Variants in RANBP2 observed in about 807,000 individuals in gnomAD.
RANBP2 encodes the protein E3 SUMO-protein ligase RanBP2.
A neutral mutation model predicts 303.6 loss-of-function variants in RANBP2; 57 were observed. The ratio of observed to expected loss-of-function variants is 0.19; its 90% confidence interval spans 0.15 to 0.23. RANBP2 has a LOEUF of 0.23. Among genes scored for constraint, RANBP2 ranks in the 10% least tolerant of loss-of-function variants. The pLI is 1.00. For missense variants in RANBP2, 3,138 were observed against 3,780.8 expected (o/e 0.83, Z 4.46); for synonymous variants, 1,167 against 1,301.5 (o/e 0.90, Z 2.23).
chr2:109,520,652 C>T, the RANBP2 span, among the ~76,000 whole-genome samples: 4 of 98,918 alleles, frequency 4.0e-5, no homozygotes, highest in African/African-American at 6.3e-5. Context: ...ATGTTGAGGC[C>T]AGGCACAGCG....
the RANBP2 span, among the ~76,000 whole-genome samples, chr2:109,595,858 T>C: frequency 6.6e-6 from 1 of 152,208 alleles, no homozygotes; most frequent in Non-Finnish European, 1.5e-5. Context: ...GTCAGAGCTC[T>C]GCATTAGACA....
chr2:109,165,571 G>C, the RANBP2 span, among the ~76,000 whole-genome samples: 1 of 152,206 alleles, frequency 6.6e-6, no homozygotes, highest in African/African-American at 2.4e-5. Flanking sequence ...TGTGTGGCCA[G>C]CAAAACCCAG....
chr2:108,969,564 G>T, the RANBP2 span, among the ~76,000 whole-genome samples: 1 of 152,140 alleles, frequency 6.6e-6, no homozygotes, highest in East Asian at 1.9e-4. Context: ...TGTAAAATGG[G>T]GGTCATTCTG....
chr2:109,489,109 T>A, the RANBP2 span, among the ~76,000 whole-genome samples: 1 of 152,294 alleles, frequency 6.6e-6, no homozygotes, highest in African/African-American at 2.4e-5. Flanking sequence ...AGTTGGAGGC[T>A]GGGATCCACA....
chr2:109,355,966 T>C, the RANBP2 span, among the ~76,000 whole-genome samples: 5 of 152,314 alleles, frequency 3.3e-5, no homozygotes, highest in Admixed American at 3.3e-4. Context: ...GTTTCCCTGG[T>C]CCTGCATTGG....
At chr2:109,289,054 C>T in the RANBP2 span, among the ~76,000 whole-genome samples, 106 of 152,250 alleles carry the variant, frequency 7.0e-4, no homozygotes, top group African/African-American at 2.4e-3. Context: ...TCAACTGTTC[C>T]TGGAATAGGT....
At chr2:109,590,041 CATAT>C in the RANBP2 span, among the ~76,000 whole-genome samples, 618 of 148,814 alleles carry the variant, frequency 4.2e-3, 5 homozygotes, top group African/African-American at 7.7e-3. Flanking sequence ...TATATACACA[CATAT>C]ATATGTGTGT....
the RANBP2 span, among the ~76,000 whole-genome samples, chr2:109,208,663 T>C: frequency 6.7e-6 from 1 of 149,552 alleles, no homozygotes; most frequent in East Asian, 2.0e-4. Flanking sequence ...GCAAGTTTGT[T>C]ATGTAACAAT....
At chr2:109,774,599 A>G in the RANBP2 span, among the ~76,000 whole-genome samples, 1 of 80,848 alleles carries the variant, frequency 1.2e-5, no homozygotes, top group Non-Finnish European at 2.1e-5. Context: ...TGAGGTATAT[A>G]TGGAAAAACA....
At chr2:109,253,483 A>C in the RANBP2 span, among the ~76,000 whole-genome samples, 1 of 152,166 alleles carries the variant, frequency 6.6e-6, no homozygotes, top group Non-Finnish European at 1.5e-5. Flanking sequence ...CCCAGCTCTC[A>C]TGTTTCCCAG....
chr2:108,887,400 T>C, the RANBP2 span, among the ~76,000 whole-genome samples: 1 of 152,222 alleles, frequency 6.6e-6, no homozygotes, highest in African/African-American at 2.4e-5. Flanking sequence ...GCTTTTTTGA[T>C]TCTGTGAAAA....
At position 108,775,788 on chromosome 2, in the gene RANBP2, TGAA is replaced by T; in HGVS notation, c.8351_8353del (p.Glu2784del). 6.2e-7 allele frequency: 1 copy of T among 1,613,918 alleles called. No homozygotes were observed. The highest frequency in any genetic ancestry group is 8.5e-7 in the Non-Finnish European group (1 of 1,179,946). On this transcript the variant is annotated inframe_deletion, in exon 24 of 29. Coordinates refer to ENST00000283195, the MANE Select transcript of RANBP2 (RefSeq NM_006267.5). ...CTGACAGTGTATATACAGGTGGGAC[TGAA>T]GTGATGGTACCTTCTTTCTGTAAAT...
At chr2:109,660,897 T>A in the RANBP2 span, among the ~76,000 whole-genome samples, 4 of 152,230 alleles carry the variant, frequency 2.6e-5, no homozygotes, top group African/African-American at 9.6e-5. Flanking sequence ...CACTCTTCTC[T>A]CATTTTGTGC....
At chr2:109,167,116 G>C in the RANBP2 span, among the ~76,000 whole-genome samples, 1 of 152,198 alleles carries the variant, frequency 6.6e-6, no homozygotes, top group Non-Finnish European at 1.5e-5. Context: ...TTCAGGAGTA[G>C]TTCTAGTAAG....
the RANBP2 span, among the ~76,000 whole-genome samples, chr2:109,101,237 C>T: frequency 3.3e-5 from 5 of 152,064 alleles, no homozygotes; most frequent in South Asian, 1.0e-3. Flanking sequence ...TAGAAAAACC[C>T]CATAGTGGGC....
At chr2:108,807,314 T>C in the RANBP2 span, among the ~76,000 whole-genome samples, 1 of 152,180 alleles carries the variant, frequency 6.6e-6, no homozygotes, top group African/African-American at 2.4e-5. Context: ...AGGAATTAAA[T>C]TGAAATTTGA....
At chr2:109,589,106 TTTTGTTTG>T in the RANBP2 span, among the ~76,000 whole-genome samples, 120 of 150,816 alleles carry the variant, frequency 8.0e-4, no homozygotes, top group African/African-American at 3.0e-3. Context: ...TTTGTGGTTT[TTTTGTTTG>T]TTTGTTTGTT....
chr2:109,498,008 GCCT>G, the RANBP2 span, among the ~76,000 whole-genome samples: 6 of 152,168 alleles, frequency 3.9e-5, no homozygotes, highest in Admixed American at 3.9e-4. Flanking sequence ...GGCCCTCGCA[GCCT>G]CAGTTTGTGT....
chr2:109,004,624 C>T, the RANBP2 span, among the ~76,000 whole-genome samples: 15 of 152,298 alleles, frequency 9.8e-5, no homozygotes, highest in African/African-American at 3.6e-4. Context: ...GAGGGTGGAG[C>T]AAAGGGTCTT....
Sources: gnomAD v4.1 joint callset for allele counts (sites outside exome capture counted in the v4.1 genomes callset) on GRCh38, gnomAD v4.1.1 for gene constraint, MANE v1.5 for transcripts, NCBI Gene and HGNC (gene_info 2026-07-23, HGNC 2026-07-21) for gene names.